Variants in RGS6 observed in about 807,000 individuals in gnomAD.
RGS6 encodes the protein regulator of G-protein signaling 6.
RGS6 carries 30 observed loss-of-function variants against 78.5 expected under a neutral mutation model. The ratio of observed to expected loss-of-function variants is 0.38; its 90% confidence interval spans 0.29 to 0.52. The LOEUF (loss-of-function observed/expected upper bound fraction) is 0.52, where lower values mean the gene tolerates loss of function less well. Among genes scored for constraint, RGS6 ranks in the 20% least tolerant of loss-of-function variants. The pLI, the probability that RGS6 is intolerant of heterozygous loss-of-function variation, is 0.85. For missense variants in RGS6, 495 were observed against 609.7 expected (o/e 0.81, Z 1.98); for synonymous variants, 206 against 206.0 (o/e 1.00, Z 0.00).
chr14:72,009,847 A>G (rs2085316607), intron 2 of RGS6, among the ~76,000 whole-genome samples: 1 of 152,230 alleles, frequency 6.6e-6, no homozygotes, highest in Admixed American at 6.5e-5. Flanking sequence ...TGTTAAAGAA[A>G]TATTTGTTGA....
At chr14:71,942,245 T>G (rs764767009) in intron 1 of RGS6, among the ~76,000 whole-genome samples, 5 of 152,170 alleles carry the variant, frequency 3.3e-5, no homozygotes, top group Non-Finnish European at 5.9e-5. Flanking sequence ...AAATAATAAC[T>G]AGGAATACCT....
intron 2 of RGS6, among the ~76,000 whole-genome samples, chr14:72,152,266 G>GTC (rs2096705084): frequency 6.6e-6 from 1 of 152,006 alleles, no homozygotes; most frequent in Non-Finnish European, 1.5e-5. Flanking sequence ...GTGTGTGTGT[G>GTC]TGTGTGTGCG....
chr14:71,926,323 C>T, the RGS6 span, among the ~76,000 whole-genome samples: 1 of 152,176 alleles, frequency 6.6e-6, no homozygotes, highest in African/African-American at 2.4e-5. Flanking sequence ...GTGGCCCATG[C>T]CTGTAATCAC....
chr14:72,494,250 TTAA>T (rs2096615179), intron 12 of RGS6, among the ~76,000 whole-genome samples: 1 of 152,214 alleles, frequency 6.6e-6, no homozygotes, highest in African/African-American at 2.4e-5. Flanking sequence ...TTTATCTAGT[TTAA>T]TAATGTTACA....
chr14:72,305,567 T>A (rs946851251), intron 2 of RGS6, among the ~76,000 whole-genome samples: 1 of 152,208 alleles, frequency 6.6e-6, no homozygotes, highest in Non-Finnish European at 1.5e-5. Flanking sequence ...ATCAGTGTTG[T>A]TTATGTTGCT....
intron 2 of RGS6, among the ~76,000 whole-genome samples, chr14:72,336,077 C>A (rs754834597): frequency 1.2e-4 from 18 of 152,160 alleles, no homozygotes; most frequent in Admixed American, 6.5e-5. Flanking sequence ...TTTTCTTTTG[C>A]TGCCATATTA....
intron 2 of RGS6, among the ~76,000 whole-genome samples, chr14:71,976,510 T>C (rs919461557): frequency 6.7e-6 from 1 of 149,452 alleles, no homozygotes; most frequent in African/African-American, 2.5e-5. Context: ...GAATATGCGG[T>C]GTTTGGTTTT....
At chr14:71,916,057 C>T in the RGS6 span, among the ~76,000 whole-genome samples, 3 of 152,220 alleles carry the variant, frequency 2.0e-5, no homozygotes, top group African/African-American at 7.2e-5. Context: ...ATTTAAACCA[C>T]ACAGTCTGTT....
intron 2 of RGS6, among the ~76,000 whole-genome samples, chr14:71,984,731 A>G (rs1191185919): frequency 3.3e-5 from 5 of 152,220 alleles, no homozygotes; most frequent in Admixed American, 2.6e-4. Context: ...TTATAGCCTC[A>G]TTCTTCATAT....
intron 2 of RGS6, among the ~76,000 whole-genome samples, chr14:72,114,537 A>C (rs2095845383): frequency 6.6e-6 from 1 of 152,240 alleles, no homozygotes; most frequent in Non-Finnish European, 1.5e-5. Flanking sequence ...AATGGATAAG[A>C]GACCAAACAA....
intron 2 of RGS6, among the ~76,000 whole-genome samples, chr14:72,297,645 A>C (rs989314587): frequency 7.3e-6 from 1 of 136,564 alleles, no homozygotes; most frequent in African/African-American, 2.7e-5. Flanking sequence ...TCATTGTTCA[A>C]TTCCCACCTA....
chr14:72,363,613 G>C (rs2081921939), intron 3 of RGS6, among the ~76,000 whole-genome samples: 1 of 152,178 alleles, frequency 6.6e-6, no homozygotes, highest in Non-Finnish European at 1.5e-5. Flanking sequence ...ACTTGAAATA[G>C]AGCAGAGGGT....
intron 14 of RGS6, among the ~76,000 whole-genome samples, chr14:72,510,808 T>C (rs948079526): frequency 1.3e-5 from 2 of 152,254 alleles, no homozygotes; most frequent in Non-Finnish European, 2.9e-5. Context: ...TGCTTTTTTC[T>C]TTTAGAATGA....
chr14:72,302,362 A>T (rs72721887), intron 2 of RGS6, among the ~76,000 whole-genome samples: 7,364 of 152,344 alleles, frequency 0.048, 267 homozygotes, highest in Non-Finnish European at 0.07. Flanking sequence ...AACTCTTTCA[A>T]CCAGGGAACC....
At chr14:72,050,368 G>C (rs2093153444) in intron 2 of RGS6, among the ~76,000 whole-genome samples, 1 of 152,038 alleles carries the variant, frequency 6.6e-6, no homozygotes, top group Non-Finnish European at 1.5e-5. Context: ...GCAAAGCATG[G>C]AAGATAAATT....
intron 2 of RGS6, among the ~76,000 whole-genome samples, chr14:72,137,708 T>C (rs1337833748): frequency 2.6e-5 from 4 of 152,228 alleles, no homozygotes; most frequent in Non-Finnish European, 5.9e-5. Flanking sequence ...GGAAGCATCC[T>C]GAGTGCAGGA....
chr14:72,324,512 C>T (rs1030243962), intron 2 of RGS6, among the ~76,000 whole-genome samples: 10 of 152,178 alleles, frequency 6.6e-5, no homozygotes, highest in African/African-American at 2.2e-4. Context: ...CCCCATCCCC[C>T]TACCCCACAA....
chr14:72,434,006 C>G (rs930275981), intron 3 of RGS6, among the ~76,000 whole-genome samples: 3 of 152,190 alleles, frequency 2.0e-5, no homozygotes, highest in African/African-American at 7.2e-5. Flanking sequence ...GCAATGCCAC[C>G]TTACCTTACC....
intron 2 of RGS6, among the ~76,000 whole-genome samples, chr14:72,286,294 C>A (rs1029325115): frequency 6.6e-6 from 1 of 152,142 alleles, no homozygotes; most frequent in African/African-American, 2.4e-5. Context: ...ATTCTTGGCA[C>A]GCTTGTTGAA....
Sources: gnomAD v4.1 joint callset for allele counts (sites outside exome capture counted in the v4.1 genomes callset) on GRCh38, gnomAD v4.1.1 for gene constraint, MANE v1.5 for transcripts, NCBI Gene and HGNC (gene_info 2026-07-23, HGNC 2026-07-21) for gene names.